Variants in KIF17 observed in about 807,000 individuals in gnomAD.
KIF17 encodes the protein kinesin-like protein KIF17.
Under a neutral mutation model 96.8 loss-of-function variants are expected in KIF17, and 80 were observed. That is an observed-to-expected ratio of 0.83 (90% CI 0.69 to 1.00). The LOEUF is 1.00. KIF17 is among the 50% of genes least tolerant of loss of function. KIF17 has a pLI of 0.00. For missense variants in KIF17, 1,280 were observed against 1,372.9 expected (o/e 0.93, Z 1.07); for synonymous variants, 567 against 587.5 (o/e 0.97, Z 0.51).
rs3077930 is a variant in KIF17, at chr1:20,707,787, A to ATGTGTGTGTGTGTGTGTG, written c.670+1834_670+1851dup. On this transcript the variant is annotated intron_variant, in intron 4 of 14. Coordinates refer to ENST00000400463, the MANE Select transcript of KIF17 (RefSeq NM_001122819.3). Reference sequence around the variant, plus strand: ...CAAAAAAAAAAACAAACCAATGTGTATGTGTGTGTGTGTGTGTGTGTGTGT... The same window carrying ATGTGTGTGTGTGTGTGTG: ...CAAAAAAAAAAACAAACCAATGTGTATGTGTGTGTGTGTGTGTGTGTGTGTGTGTGTGTGTGTGTGTGT... Among the ~76,000 whole-genome samples, 237 of 124,542 alleles carry ATGTGTGTGTGTGTGTGTG rather than the reference A, an allele frequency of 1.9e-3. 2 individuals carry two copies. The highest frequency in any genetic ancestry group is 5.2e-3 in the African/African-American group (158 of 30,516). 81.7% of individuals were successfully genotyped at this position (124,542 alleles called of 152,430 possible). A position where few individuals can be genotyped will look rare whatever the true frequency, so the allele number is the denominator to read the frequency against.
At position 20,717,397 on chromosome 1, in the gene KIF17, G is replaced by A. The variant is rs1377496289; in HGVS notation, c.231+79C>T. 2.6e-6 allele frequency: 4 copies of A among 1,526,760 alleles called. No homozygotes were observed. The African/African-American group carries it at 4.1e-5, about 16-fold the overall frequency. The allele number at this position is 1,526,760 out of a possible 1,614,324, so 94.6% of individuals were successfully genotyped here. A position where few individuals can be genotyped will look rare whatever the true frequency, so the allele number is the denominator to read the frequency against. On this transcript the variant is annotated intron_variant, in intron 1 of 14. Coordinates refer to ENST00000400463, the MANE Select transcript of KIF17 (RefSeq NM_001122819.3). ...TCGAGGGCCTTTCCTCCTGGCTGGG[G>A]GGCAGCGCAGCCCCCTGGGGACTCT...
chr1:20,691,071 C>A (rs1027227042), intron 6 of KIF17, among the ~76,000 whole-genome samples: 1 of 151,636 alleles, frequency 6.6e-6, no homozygotes, highest in African/African-American at 2.4e-5. Context: ...GAAGCTGAGG[C>A]AGATCGCTTG....
At chr1:20,708,386 C>T (rs927539499) in intron 4 of KIF17, among the ~76,000 whole-genome samples, 4 of 152,202 alleles carry the variant, frequency 2.6e-5, no homozygotes, top group African/African-American at 9.6e-5. Flanking sequence ...CTCGGTCTCC[C>T]GGGCTCAACC....
intron 11 of KIF17, among the ~76,000 whole-genome samples, chr1:20,674,594 G>A (rs1237101511): frequency 8.4e-6 from 1 of 119,244 alleles, no homozygotes; most frequent in Non-Finnish European, 1.9e-5. Context: ...TTTTTTTTAA[G>A]TAACTTGTGC....
At chr1:20,711,129 G>A (rs999647406) in intron 3 of KIF17, among the ~76,000 whole-genome samples, 4 of 152,118 alleles carry the variant, frequency 2.6e-5, no homozygotes, top group Non-Finnish European at 4.4e-5. Context: ...AAATGGGGAT[G>A]ATAACTCCTA....
At chr1:20,678,998 T>C (rs1219250470) in intron 11 of KIF17, among the ~76,000 whole-genome samples, 3 of 103,132 alleles carry the variant, frequency 2.9e-5, no homozygotes, top group Non-Finnish European at 6.1e-5. Context: ...GTATCTTCCT[T>C]GGCAAAAAAA....
In KIF17 at chr1:20,666,290, A is replaced by T; in HGVS notation, c.2832T>A (p.Ser944Arg). Residue 944 changes from serine (S) to arginine (R), a missense_variant, in exon 14 of 15, where the codon AGT (serine) becomes AGA (arginine). Transcript: ENST00000400463. ...RYRLMLSRSN[S>R]ENIASNYFRS... is the part of the protein sequence containing the mutation. The stretch of plus-strand genomic sequence containing the variant: ...GGAAGTAGTTGCTGGCAATGTTTTC[A>T]CTGTTGCTCCGACTGAGCATGAGCC... The T allele has an allele frequency of 6.2e-7, 1 of 1,614,142 alleles. No homozygotes were observed. The highest frequency in any genetic ancestry group is 8.5e-7 in the Non-Finnish European group (1 of 1,180,008).
chr1:20,682,592 G>T, intron 11 of KIF17, 61 bp downstream of exon 11: 1 of 1,450,312 alleles, frequency 6.9e-7, no homozygotes, highest in South Asian at 1.1e-5. Flanking sequence ...GGGATGCCTG[G>T]ATCGGGGGGT....
intron 1 of KIF17, among the ~76,000 whole-genome samples, chr1:20,716,692 G>A (rs566700671): frequency 6.8e-4 from 103 of 152,336 alleles, no homozygotes; most frequent in Non-Finnish European, 1.3e-3. Flanking sequence ...AGGGGTGGAA[G>A]ATGAGGCCTG....
rs1419346740 is a variant in KIF17 at position 20,717,864 on chromosome 1, CG to C, written c.-159del. On this transcript the variant is annotated 5_prime_UTR_variant, in exon 1 of 15. Coordinates refer to ENST00000400463, the MANE Select transcript of KIF17 (RefSeq NM_001122819.3). ...CGGGGGGCGGGGACCCCTCGGGGGG[CG>C]CCCCGGAGGGGAGCTGGGCGTCGCA... 8 of 420,152 alleles carry C rather than the reference CG, an allele frequency of 1.9e-5. No individual in the cohort carries two copies. Among genetic ancestry groups the C allele is most frequent in the African/African-American group, 1.2e-4 (1 of 8,678 alleles). 26.0% of individuals were successfully genotyped at this position (420,152 alleles called of 1,614,324 possible).
At chr1:20,711,069 T>G (rs1268226737) in intron 3 of KIF17, among the ~76,000 whole-genome samples, 3 of 152,140 alleles carry the variant, frequency 2.0e-5, no homozygotes, top group African/African-American at 7.2e-5. Flanking sequence ...TGTGACTTGC[T>G]GGTTGGGGAG....
At chr1:20,664,902 G>T (rs2053498293) in intron 14 of KIF17, 140 bp from the exon 15 acceptor site, 1 of 804,478 alleles carries the variant, frequency 1.2e-6, no homozygotes, top group African/African-American at 1.7e-5. Flanking sequence ...CCTGCAGCTG[G>T]GACCCCAGGC....
Position 20,669,896 on chromosome 1 carries a change from A to C in KIF17, c.2790+525T>G, listed in dbSNP as rs1228615332. ...AAAAAAAAAAAAAAAAAAAAAAAAA[A>C]AAAAAAAACAACCACCACCACCCAT... is the stretch of plus-strand genomic sequence containing the variant. On this transcript the variant is annotated intron_variant, in intron 13 of 14. Coordinates refer to ENST00000400463, the MANE Select transcript of KIF17 (RefSeq NM_001122819.3). Among the ~76,000 whole-genome samples the C allele has an allele frequency of 2.5e-4, 36 of 142,432 alleles. 1 individual carries two copies. Among genetic ancestry groups the C allele is most frequent in the African/African-American group, 6.5e-4 (25 of 38,372 alleles). The allele number at this position is 142,432 out of a possible 152,430, so 93.4% of individuals were successfully genotyped here.
rs2054598802 is a variant in KIF17 at position 20,717,460 on chromosome 1, T to C, written c.231+16A>G. 1 of 1,609,270 alleles carries C rather than the reference T, an allele frequency of 6.2e-7. No homozygotes were observed. Among genetic ancestry groups the C allele is most frequent in the African/African-American group, 1.3e-5 (1 of 74,866 alleles). On this transcript the variant is annotated intron_variant, in intron 1 of 14. Transcript: ENST00000400463. ...ATGCCCTGCCGCCTGCAGGGCGGCC[T>C]GCCGGGCGCCCTCACCTCCACCAGC...
rs1381588777 is a variant in KIF17, at chr1:20,685,082, C to T, written c.2020-62G>A. 2.0e-5 allele frequency: 27 copies of T among 1,383,932 alleles called. No individual in the cohort carries two copies. Among genetic ancestry groups the T allele is most frequent in the Non-Finnish European group, 2.7e-5 (27 of 994,682 alleles). The allele number at this position is 1,383,932 out of a possible 1,614,324, so 85.7% of individuals were successfully genotyped here. A position where few individuals can be genotyped will look rare whatever the true frequency, so the allele number is the denominator to read the frequency against. On this transcript the variant is annotated intron_variant, in intron 9 of 14. Coordinates refer to ENST00000400463, the MANE Select transcript of KIF17 (RefSeq NM_001122819.3). The surrounding 1 kb of genome is among the most constrained non-coding windows in gnomAD (Gnocchi z 4.1). ...GCCGCCCCAACCCCCGCCGACAGCT[C>T]CCAGGTGGCTCAATCCCAGACGGGG...
At chr1:20,682,630 G>A (rs555878262) in intron 11 of KIF17, 23 bp downstream of exon 11, 3 of 1,605,802 alleles carry the variant, frequency 1.9e-6, no homozygotes, top group African/African-American at 1.3e-5. Flanking sequence ...AGCTGGGCAT[G>A]GGGGGCTGCA....
At chr1:20,677,707 T>C (rs1439411488) in intron 11 of KIF17, among the ~76,000 whole-genome samples, 2 of 151,994 alleles carry the variant, frequency 1.3e-5, no homozygotes, top group African/African-American at 4.8e-5. Context: ...ATACAAAAAT[T>C]AGCCGGGCAT....
At chr1:20,715,861 G>A (rs1466909439) in intron 1 of KIF17, among the ~76,000 whole-genome samples, 1 of 152,232 alleles carries the variant, frequency 6.6e-6, no homozygotes, top group Non-Finnish European at 1.5e-5. Flanking sequence ...CCTGAGCTGT[G>A]GGCTTGGCCC....
In KIF17 at chr1:20,669,461, G is replaced by A. The variant is rs1414491469; in HGVS notation, c.2790+960C>T. ...CTGAGGCCGGAGAATGGCTGAACCT[G>A]GGAGGCAGAGCTTTCAGTGAGCCGA... On this transcript the variant is annotated intron_variant, in intron 13 of 14. Transcript: ENST00000400463. Among the ~76,000 whole-genome samples the A allele has an allele frequency of 6.6e-5, 10 of 150,794 alleles. No homozygotes were observed. In the South Asian group the frequency reaches 1.1e-3, roughly 16 times the overall value.
Sources: allele counts gnomAD v4.1 joint callset (sites outside exome capture counted in the v4.1 genomes callset), GRCh38; gene constraint gnomAD v4.1.1; non-coding constraint Gnocchi (gnomAD v3.1); transcripts MANE v1.5; gene names NCBI Gene and HGNC (gene_info 2026-07-23, HGNC 2026-07-21).